The following GRIK1 variants were observed in gnomAD, a reference collection of about 807,000 sequenced individuals.
GRIK1 encodes glutamate ionotropic receptor kainate type subunit 1.
In GRIK1, 69 loss-of-function variants were observed where a neutral mutation model predicts 105.7. The observed-to-expected ratio is 0.65, with a 90% CI of 0.54 to 0.80. The LOEUF (loss-of-function observed/expected upper bound fraction) is 0.80, where lower values mean the gene tolerates loss of function less well. GRIK1 is among the 30% of genes least tolerant of loss of function. GRIK1 has a pLI of 0.00. For synonymous variants in GRIK1, 438 were observed against 431.3 expected (o/e 1.02, Z -0.19); for missense variants, 1,109 against 1,167.3 (o/e 0.95, Z 0.73).
Position 29,559,810 on chromosome 21 carries a change from A to AT in GRIK1, c.2356+1813dup, listed in dbSNP as rs201495379. Among the ~76,000 whole-genome samples the AT allele has an allele frequency of 5.4e-3, 824 of 152,074 alleles. 4 individuals carry two copies. The highest frequency in any genetic ancestry group is 0.018 in the African/African-American group (760 of 41,468). ...TTAGGACAATTCACCTAAAATCTGG[A>AT]TTTTTTTTATTTTCTTAGAAAATGG... On this transcript the variant is annotated intron_variant, in intron 15 of 17. Transcript: ENST00000327783.
intron 1 of GRIK1, among the ~76,000 whole-genome samples, chr21:29,816,646 T>C (rs1011338186): frequency 6.6e-6 from 1 of 152,098 alleles, no homozygotes; most frequent in Non-Finnish European, 1.5e-5. Context: ...TGCAGCAACA[T>C]GGATAGAACT....
At chr21:29,855,173 T>C (rs114284847) in intron 1 of GRIK1, among the ~76,000 whole-genome samples, 1,528 of 152,288 alleles carry the variant, frequency 0.01, 26 homozygotes, top group African/African-American at 0.034. Context: ...ATATCACTCA[T>C]TGTCCTTAGG....
chr21:29,551,214 T>C (rs1166210733), intron 16 of GRIK1, among the ~76,000 whole-genome samples: 2 of 152,240 alleles, frequency 1.3e-5, no homozygotes, highest in Non-Finnish European at 2.9e-5. Context: ...TAGCATGTAG[T>C]AAAGGAACAT....
chr21:29,895,203 A>G (rs954742726), intron 1 of GRIK1, among the ~76,000 whole-genome samples: 1 of 152,180 alleles, frequency 6.6e-6, no homozygotes, highest in Non-Finnish European at 1.5e-5. Context: ...TGGTCAACTC[A>G]GTGGATGATG....
At chr21:29,622,905 G>A (rs143280302) in intron 7 of GRIK1, among the ~76,000 whole-genome samples, 3,005 of 152,214 alleles carry the variant, frequency 0.02, 38 homozygotes, top group South Asian at 0.035. Flanking sequence ...CAAATTTGCT[G>A]TTTCTTTGTC....
intron 1 of GRIK1, among the ~76,000 whole-genome samples, chr21:29,734,347 TTTTC>T (rs2064716238): frequency 1.0e-4 from 1 of 9,934 alleles, no homozygotes; most frequent in South Asian, 5.1e-3. Context: ...ATCATAGCAC[TTTTC>T]TTTTCTTTTC....
rs559794498 is a variant in GRIK1, at chr21:29,723,910, T to C, written c.119-29847A>G. Among the ~76,000 whole-genome samples, 5 of 152,328 alleles carry C rather than the reference T, an allele frequency of 3.3e-5. No individual in the cohort carries two copies. The East Asian group carries it at 9.6e-4, about 29-fold the overall frequency. On this transcript the variant is annotated intron_variant, in intron 1 of 17. Coordinates refer to ENST00000327783, the MANE Select transcript of GRIK1 (RefSeq NM_001330994.2). The stretch of plus-strand genomic sequence containing the variant: ...AGTATTACTCCTGATTTCACTGATG[T>C]GTAAATTCAAGCAAATATTGGGGAA...
At chr21:29,706,547 C>A (rs970908821) in intron 1 of GRIK1, among the ~76,000 whole-genome samples, 1 of 152,186 alleles carries the variant, frequency 6.6e-6, no homozygotes, top group Non-Finnish European at 1.5e-5. Flanking sequence ...AACTGAGAGT[C>A]TGCATTGACA....
chr21:29,884,856 C>T (rs2069552085), intron 1 of GRIK1, among the ~76,000 whole-genome samples: 1 of 152,014 alleles, frequency 6.6e-6, no homozygotes, highest in South Asian at 2.1e-4. Context: ...GGAAGGGAAT[C>T]TTCAACAGAC....
intron 1 of GRIK1, among the ~76,000 whole-genome samples, chr21:29,875,504 G>C (rs895605272): frequency 6.6e-6 from 1 of 151,972 alleles, no homozygotes; most frequent in Non-Finnish European, 1.5e-5. Flanking sequence ...CATTTCCTAC[G>C]GACTTCAGCA....
intron 1 of GRIK1, among the ~76,000 whole-genome samples, chr21:29,899,746 G>A (rs558899582): frequency 1.3e-5 from 2 of 152,080 alleles, no homozygotes; most frequent in Admixed American, 1.3e-4. Context: ...TATGCTCCTT[G>A]TGCCAGGGCT....
At chr21:29,778,444 G>A (rs1338140189) in intron 1 of GRIK1, among the ~76,000 whole-genome samples, 1 of 152,182 alleles carries the variant, frequency 6.6e-6, no homozygotes, top group Non-Finnish European at 1.5e-5. Context: ...CTTCCTAAGA[G>A]CAGTTTATTG....
chr21:29,607,853 T>A (rs2061653676), intron 7 of GRIK1, among the ~76,000 whole-genome samples: 1 of 152,218 alleles, frequency 6.6e-6, no homozygotes, highest in Non-Finnish European at 1.5e-5. Flanking sequence ...AAATGAAGAT[T>A]TAAAATTATA....
intron 1 of GRIK1, among the ~76,000 whole-genome samples, chr21:29,924,334 C>CAAAAAAAAA (rs1226055845): frequency 2.5e-5 from 2 of 79,904 alleles, no homozygotes; most frequent in African/African-American, 4.4e-5. Flanking sequence ...GAGACTGGCT[C>CAAAAAAAAA]AAAAAAAAAA....
chr21:29,734,405 TC>T (rs1370342608), intron 1 of GRIK1, among the ~76,000 whole-genome samples: 1 of 39,628 alleles, frequency 2.5e-5, no homozygotes, highest in Admixed American at 3.0e-4. Flanking sequence ...TCTTTTCTTT[TC>T]TTTTCTTTTC....
intron 1 of GRIK1, among the ~76,000 whole-genome samples, chr21:29,848,755 G>GTGTATATATATATATATATATATA (rs773386863): frequency 1.1e-5 from 1 of 91,218 alleles, no homozygotes; most frequent in African/African-American, 4.5e-5. Flanking sequence ...AGTTGTGTGT[G>GTGTATATATATATATATATATATA]TATATATATA....
At chr21:29,916,469 G>T (rs962467918) in intron 1 of GRIK1, among the ~76,000 whole-genome samples, 1 of 151,892 alleles carries the variant, frequency 6.6e-6, no homozygotes, top group African/African-American at 2.4e-5. Flanking sequence ...TATGTAGCAA[G>T]TCATTTAATA....
At chr21:29,870,052 CATA>C (rs2068957961) in intron 1 of GRIK1, among the ~76,000 whole-genome samples, 1 of 151,962 alleles carries the variant, frequency 6.6e-6, no homozygotes, top group African/African-American at 2.4e-5. Context: ...CTATGTTCCT[CATA>C]ATATTTGGGA....
intron 1 of GRIK1, among the ~76,000 whole-genome samples, chr21:29,937,400 C>T (rs915934331): frequency 6.6e-6 from 1 of 152,008 alleles, no homozygotes; most frequent in African/African-American, 2.4e-5. Context: ...CATTTTGGCT[C>T]CCATTTAGAA....
Sources: gnomAD v4.1 joint callset for allele counts (sites outside exome capture counted in the v4.1 genomes callset) on GRCh38, gnomAD v4.1.1 for gene constraint, MANE v1.5 for transcripts, NCBI Gene and HGNC (gene_info 2026-07-23, HGNC 2026-07-21) for gene names.